The following STAB2 variants were observed in gnomAD, a reference collection of about 807,000 sequenced individuals.
The protein encoded by STAB2 is stabilin-2.
In STAB2, 288 loss-of-function variants were observed where a neutral mutation model predicts 338.1. The ratio of observed to expected loss-of-function variants is 0.85; its 90% CI spans 0.77 to 0.94. The LOEUF is 0.94. STAB2 is among the 40% of genes least tolerant of loss of function. STAB2 has a pLI of 0.00. For missense variants in STAB2, 3,141 were observed against 3,210.1 expected, an observed-to-expected ratio of 0.98 and a Z score of 0.52; for synonymous variants, 1,202 against 1,193.3, an observed-to-expected ratio of 1.01 and a Z score of -0.15.
chr12:103,703,461 AC>A (rs751130287), intron 35 of STAB2, among the ~76,000 whole-genome samples, 185 bp downstream of exon 35: 4 of 152,016 alleles, frequency 2.6e-5, no homozygotes, highest in Non-Finnish European at 5.9e-5. Context: ...ATAAGACATG[AC>A]CCCTGCCCTC....
chr12:103,659,007 G>A (rs912133376), intron 15 of STAB2, among the ~76,000 whole-genome samples: 4 of 152,182 alleles, frequency 2.6e-5, no homozygotes, highest in Non-Finnish European at 5.9e-5. Flanking sequence ...TAACTGAGAC[G>A]TAAGTTGAAG....
chr12:103,703,814 A>G (rs1879111123), intron 35 of STAB2, among the ~76,000 whole-genome samples: 1 of 152,186 alleles, frequency 6.6e-6, no homozygotes, highest in African/African-American at 2.4e-5. Flanking sequence ...TTTATCGGAC[A>G]CTCGTTATAT....
intron 35 of STAB2, among the ~76,000 whole-genome samples, chr12:103,703,827 C>T (rs73189891): frequency 1.3e-5 from 2 of 152,266 alleles, no homozygotes; most frequent in Admixed American, 6.5e-5. Context: ...CGTTATATGC[C>T]GGGCACTGCT....
chr12:103,648,646 A>G, intron 9 of STAB2, 44 bp from the exon 10 acceptor site: 1 of 1,598,168 alleles, frequency 6.3e-7, no homozygotes, highest in Non-Finnish European at 8.5e-7. Context: ...CAAAATACTC[A>G]ATGGCTCTAA....
rs186773768 is a variant in STAB2 at position 103,741,558 on chromosome 12, A to G, written c.5881+802A>G. ...AGTCTCAACCCTCTGGGCTCAAGTGATCTTCTCACCTCAGCCTCTCAAGTA... is the reference window on the plus strand; with the variant it reads ...AGTCTCAACCCTCTGGGCTCAAGTGGTCTTCTCACCTCAGCCTCTCAAGTA... On this transcript the variant is annotated intron_variant, in intron 55 of 68. Transcript: ENST00000388887. Among the ~76,000 whole-genome samples the G allele has an allele frequency of 3.3e-5, 5 of 152,214 alleles. No individual in the cohort carries two copies. In the East Asian group the frequency reaches 9.7e-4, roughly 29 times the overall value.
chr12:103,694,381 C>G (rs181807884), intron 31 of STAB2, among the ~76,000 whole-genome samples: 2 of 152,282 alleles, frequency 1.3e-5, no homozygotes, highest in Admixed American at 1.3e-4. Context: ...CCCTCCTCCC[C>G]CTTCAGCTCC....
chr12:103,613,283 A>T (rs562804258), intron 3 of STAB2, among the ~76,000 whole-genome samples: 161 of 152,280 alleles, frequency 1.1e-3, no homozygotes, highest in African/African-American at 3.7e-3. Context: ...CTGCCCACAG[A>T]GGTGGAGTAT....
At position 103,645,882 on chromosome 12, in the gene STAB2, C is replaced by T. The variant is rs114737307; in HGVS notation, c.1041-2808C>T. The stretch of plus-strand genomic sequence containing the variant: ...TAGACATTGCCAAATGGCTTCTGGG[C>T]GGGGCTGGGGAGGGGGGGCAAAATT... On this transcript the variant is annotated intron_variant, in intron 9 of 68. Transcript: ENST00000388887. Among the ~76,000 whole-genome samples the T allele has an allele frequency of 5.2e-3, 690 of 132,946 alleles. 2 individuals carry two copies. The highest frequency in any genetic ancestry group is 0.018 in the African/African-American group (659 of 36,016). The allele number at this position is 132,946 out of a possible 152,430, so 87.2% of individuals were successfully genotyped here.
intron 15 of STAB2, among the ~76,000 whole-genome samples, chr12:103,659,379 T>C (rs1874430808): frequency 6.6e-6 from 1 of 152,214 alleles, no homozygotes; most frequent in African/African-American, 2.4e-5. Flanking sequence ...TCAGCAGGGC[T>C]TTCTCTTAGC....
intron 63 of STAB2, among the ~76,000 whole-genome samples, chr12:103,756,960 A>G (rs1453264202): frequency 6.9e-6 from 1 of 144,624 alleles, no homozygotes; most frequent in Non-Finnish European, 1.5e-5. Flanking sequence ...CAAATTACCT[A>G]CCTTCTCTGG....
intron 3 of STAB2, among the ~76,000 whole-genome samples, chr12:103,612,489 G>C (rs1333887141): frequency 6.6e-6 from 1 of 152,172 alleles, no homozygotes; most frequent in Non-Finnish European, 1.5e-5. Context: ...GGCTACTGAA[G>C]CTTGTGCATG....
chr12:103,692,640 A>T (rs1878046146), intron 30 of STAB2, among the ~76,000 whole-genome samples, 172 bp from the exon 31 acceptor site: 1 of 151,612 alleles, frequency 6.6e-6, no homozygotes, highest in Non-Finnish European at 1.5e-5. Context: ...TGTGTGAGAG[A>T]GAGAGAGAGA....
chr12:103,721,420 G>T (rs1880753207), intron 44 of STAB2, among the ~76,000 whole-genome samples: 1 of 152,230 alleles, frequency 6.6e-6, no homozygotes, highest in Non-Finnish European at 1.5e-5. Context: ...GGGAATAAAA[G>T]GGAGGTGGTG....
intron 51 of STAB2, among the ~76,000 whole-genome samples, chr12:103,733,980 T>TCATATAGGAGCAAGCACGAC (rs1174309655): frequency 3.0e-5 from 4 of 135,592 alleles, no homozygotes; most frequent in Non-Finnish European, 6.2e-5. Flanking sequence ...AGCAGCACAG[T>TCATATAGGAGCAAGCACGAC]CATATAGGAG....
In STAB2 at chr12:103,660,367, A is replaced by G; in HGVS notation, c.1771A>G (p.Ile591Val). The G allele has an allele frequency of 6.2e-7, 1 of 1,614,114 alleles. No homozygotes were observed. The highest frequency in any genetic ancestry group is 8.5e-7 in the Non-Finnish European group (1 of 1,180,028). Residue 591 changes from isoleucine (I) to valine (V), a missense_variant, in exon 16 of 69, where the codon ATT becomes GTT. Coordinates refer to ENST00000388887, the MANE Select transcript of STAB2 (RefSeq NM_017564.10). ...GCTTCTGGAACTCGTCAGATACCAC[A>G]TTGTCCCATTTACCCAGGTTGGCCC... is the stretch of plus-strand genomic sequence containing the variant. ...RKLLELVRYH[I>V]VPFTQLEVAT...
chr12:103,637,223 C>A lies in STAB2; in HGVS notation c.696C>A (p.Gly232=), dbSNP rs1249245567. Residue 232 remains glycine (G), a synonymous_variant, in exon 7 of 69, where the codon GGC becomes GGA. Transcript: ENST00000388887. ...GCCTTCCCAATTACCGAGGCGATGG[C>A]AAATACTGCGACCGTGAGTAGAATT... ...CKCLPNYRGD[G]KYCDPINPCL... 1 of 1,611,244 alleles carries A rather than the reference C, an allele frequency of 6.2e-7. No individual in the cohort carries two copies. The highest frequency in any genetic ancestry group is 1.1e-5 in the South Asian group (1 of 90,518).
intron 34 of STAB2, among the ~76,000 whole-genome samples, chr12:103,699,448 G>T (rs1878677805): frequency 6.6e-6 from 1 of 152,154 alleles, no homozygotes; most frequent in Non-Finnish European, 1.5e-5. Flanking sequence ...GGAAGGCAAG[G>T]AGGCACAAGT....
chr12:103,652,843 C>A (rs1334700332), intron 12 of STAB2, 138 bp downstream of exon 12: 4 of 997,480 alleles, frequency 4.0e-6, no homozygotes, highest in Non-Finnish European at 5.5e-6. Flanking sequence ...TGTCAAACAC[C>A]TTATATAGGA....
rs145570978 is a variant in STAB2, at chr12:103,636,114, G to T, written c.584-997G>T. 6.4e-3 allele frequency among the ~76,000 whole-genome samples: 979 copies of T among 151,948 alleles called. 10 individuals are homozygous for T. The highest frequency in any genetic ancestry group is 0.023 in the African/African-American group (935 of 41,396). On this transcript the variant is annotated intron_variant, in intron 6 of 68. Transcript: ENST00000388887. ...CACAACGTGCAGGTTTGTTACATCT[G>T]TATACATGTGCCATGTTGGTGTGCT...
Sources: gnomAD v4.1 joint callset for allele counts (sites outside exome capture counted in the v4.1 genomes callset) on GRCh38, gnomAD v4.1.1 for gene constraint, MANE v1.5 for transcripts, NCBI Gene and HGNC (gene_info 2026-07-23, HGNC 2026-07-21) for gene names.